Variants in GHR observed in about 807,000 individuals in gnomAD.
The protein encoded by GHR is GH receptor.
In GHR, 35 loss-of-function variants were observed where a neutral mutation model predicts 67.1. The observed-to-expected ratio is 0.52, with a 90% CI of 0.40 to 0.69. The LOEUF is 0.69. Ranked by LOEUF, GHR falls within the 30% of genes least tolerant of loss-of-function variation. The pLI, the probability that GHR is intolerant of heterozygous loss-of-function variation, is 0.00. For synonymous variants in GHR, 272 were observed against 269.1 expected (o/e 1.01, Z -0.10); for missense variants, 792 against 764.6 (o/e 1.04, Z -0.42).
chr5:42,680,524 G>A (rs2111582629), intron 3 of GHR, among the ~76,000 whole-genome samples: 1 of 146,214 alleles, frequency 6.8e-6, no homozygotes, highest in African/African-American at 2.5e-5. Context: ...TTTTTTTTTA[G>A]ACAGAGTCTC....
At chr5:42,478,250 T>C (rs1745435940) in intron 1 of GHR, among the ~76,000 whole-genome samples, 2 of 152,360 alleles carry the variant, frequency 1.3e-5, no homozygotes, top group South Asian at 2.1e-4. Flanking sequence ...TATATATCTG[T>C]TTTGGTACCA....
intron 3 of GHR, among the ~76,000 whole-genome samples, chr5:42,686,612 C>T (rs761531361): frequency 6.6e-5 from 10 of 152,042 alleles, no homozygotes; most frequent in South Asian, 2.1e-4. Flanking sequence ...AAAAAGCCTT[C>T]GACAAAATTC....
At chr5:42,610,307 C>T (rs13354167) in intron 2 of GHR, among the ~76,000 whole-genome samples, 35,230 of 152,046 alleles carry the variant, frequency 0.23, 4,826 homozygotes, top group African/African-American at 0.37. Context: ...CCTTGAGACT[C>T]TCTTTTTATT....
intron 1 of GHR, among the ~76,000 whole-genome samples, chr5:42,542,784 C>T (rs1410285448): frequency 6.6e-6 from 1 of 151,964 alleles, no homozygotes; most frequent in Non-Finnish European, 1.5e-5. Flanking sequence ...ATCCCTCAGC[C>T]ACCCCTACCC....
rs533666278 is a variant in GHR at position 42,646,844 on chromosome 5, GA to G, written c.136+17743del. On this transcript the variant is annotated intron_variant, in intron 3 of 9. Coordinates refer to ENST00000230882, the MANE Select transcript of GHR (RefSeq NM_000163.5). ...TGCCCACCCTAGATTTTCAAATTGG[GA>G]ATCACTGTGGTACCAGACTGGGAAT... is the stretch of plus-strand genomic sequence containing the variant. Among the ~76,000 whole-genome samples, 701 of 152,204 alleles carry G rather than the reference GA, an allele frequency of 4.6e-3. 4 individuals are homozygous for G. The highest frequency in any genetic ancestry group is 6.9e-3 in the Non-Finnish European group (470 of 68,002).
chr5:42,479,979 A>G (rs1745540640), intron 1 of GHR, among the ~76,000 whole-genome samples: 2 of 151,784 alleles, frequency 1.3e-5, no homozygotes, highest in East Asian at 3.9e-4. Context: ...TTGTGATGTT[A>G]GGGTGTCAAT....
intron 2 of GHR, among the ~76,000 whole-genome samples, chr5:42,567,429 G>C (rs1285049636): frequency 6.6e-6 from 1 of 152,056 alleles, no homozygotes; most frequent in Non-Finnish European, 1.5e-5. Flanking sequence ...ATCACTAGTT[G>C]CTTTTAATGT....
intron 1 of GHR, among the ~76,000 whole-genome samples, chr5:42,440,533 C>T (rs554193396): frequency 1.3e-4 from 20 of 152,206 alleles, no homozygotes; most frequent in Admixed American, 2.0e-4. Flanking sequence ...ACATCTTACA[C>T]GATGATGTAG....
intron 1 of GHR, among the ~76,000 whole-genome samples, chr5:42,496,029 C>T (rs1746307363): frequency 6.6e-6 from 1 of 152,126 alleles, no homozygotes; most frequent in Non-Finnish European, 1.5e-5. Context: ...GAAAATTAAA[C>T]ACTCCTGGCA....
At chr5:42,560,079 T>A (rs188585334) in intron 1 of GHR, among the ~76,000 whole-genome samples, 117 of 152,150 alleles carry the variant, frequency 7.7e-4, no homozygotes, top group East Asian at 5.0e-3. Flanking sequence ...ATCACTTTTT[T>A]AAAAAAAATA....
chr5:42,433,109 AG>A, intron 1 of GHR, among the ~76,000 whole-genome samples: 1 of 152,232 alleles, frequency 6.6e-6, no homozygotes, highest in Admixed American at 6.5e-5. Context: ...AGAAGTTTTT[AG>A]TACTTGGAGC....
intron 1 of GHR, among the ~76,000 whole-genome samples, chr5:42,531,110 A>C (rs1210998115): frequency 6.6e-6 from 1 of 152,074 alleles, no homozygotes; most frequent in Admixed American, 6.6e-5. Flanking sequence ...TCTACTAAAA[A>C]TACAAAAATT....
At chr5:42,451,800 A>G (rs181889517) in intron 1 of GHR, among the ~76,000 whole-genome samples, 119 of 151,318 alleles carry the variant, frequency 7.9e-4, no homozygotes, top group Middle Eastern at 3.4e-3. Flanking sequence ...GTGAGTCCTT[A>G]TGTGTTACGT....
In GHR at chr5:42,721,778, G is replaced by A. The variant is rs1186351982; in HGVS notation, c.*2354G>A. 1.3e-5 allele frequency: 2 copies of A among 152,540 alleles called. No homozygotes were observed. Among genetic ancestry groups the A allele is most frequent in the Non-Finnish European group, 2.9e-5 (2 of 68,008 alleles). 9.4% of individuals were successfully genotyped at this position (152,540 alleles called of 1,614,324 possible). A position where few individuals can be genotyped will look rare whatever the true frequency, so the allele number is the denominator to read the frequency against. On this transcript the variant is annotated 3_prime_UTR_variant, in exon 10 of 10. Coordinates refer to ENST00000230882, the MANE Select transcript of GHR (RefSeq NM_000163.5). ...GCAGTTTATATTTAACTCTCTTTAT[G>A]TCTGTGGATTTTTTCCTTCAAAGTT... is the stretch of plus-strand genomic sequence containing the variant.
intron 5 of GHR, 123 bp downstream of exon 5, chr5:42,695,212 T>A: frequency 1.3e-6 from 1 of 741,654 alleles, no homozygotes; most frequent in Non-Finnish European, 2.4e-6. Flanking sequence ...TACATGGAGA[T>A]CTGTTTTACA....
At chr5:42,549,147 G>C (rs1182190490) in intron 1 of GHR, among the ~76,000 whole-genome samples, 1 of 152,112 alleles carries the variant, frequency 6.6e-6, no homozygotes, top group Non-Finnish European at 1.5e-5. Flanking sequence ...CCTCTTTTCA[G>C]ATTAACTCTG....
At chr5:42,586,145 A>G (rs946458913) in intron 2 of GHR, among the ~76,000 whole-genome samples, 8 of 152,160 alleles carry the variant, frequency 5.3e-5, no homozygotes, top group Non-Finnish European at 1.0e-4. Context: ...GAAGACATTC[A>G]GTTTGGTGGG....
At chr5:42,680,310 A>G (rs1756794666) in intron 3 of GHR, among the ~76,000 whole-genome samples, 1 of 152,228 alleles carries the variant, frequency 6.6e-6, no homozygotes. Flanking sequence ...TATCCAGATC[A>G]GGGTGACTGA....
Position 42,650,576 on chromosome 5 carries a change from A to ACAT in GHR, c.136+21473_136+21474insCAT, listed in dbSNP as rs1238563261. Among the ~76,000 whole-genome samples the ACAT allele has an allele frequency of 5.3e-3, 283 of 53,360 alleles. 2 individuals carry two copies. The highest frequency in any genetic ancestry group is 0.022 in the African/African-American group (279 of 12,862). 35.0% of individuals were successfully genotyped at this position (53,360 alleles called of 152,430 possible). On this transcript the variant is annotated intron_variant, in intron 3 of 9. Coordinates refer to ENST00000230882, the MANE Select transcript of GHR (RefSeq NM_000163.5). ...TCCCAATGTACTCACTTTTACAGAT[A>ACAT]ACATATATATATATATATATATATA...
Sources: gnomAD v4.1 joint callset for allele counts (sites outside exome capture counted in the v4.1 genomes callset) on GRCh38, gnomAD v4.1.1 for gene constraint, MANE v1.5 for transcripts, NCBI Gene and HGNC (gene_info 2026-07-23, HGNC 2026-07-21) for gene names.